RGS5: variants seen among roughly 807,000 people sequenced by gnomAD.
RGS5 encodes regulator of G protein signaling 5, also known as regulator of G-protein signalling 5.
A neutral mutation model predicts 18.9 loss-of-function variants in RGS5; 20 were observed. The ratio of observed to expected loss-of-function variants is 1.06; its 90% CI spans 0.74 to 1.54. The LOEUF is 1.54. Ranked by LOEUF, RGS5 falls within the 40% of genes most tolerant of loss-of-function variation. The probability of loss-of-function intolerance (pLI) is 0.00; values close to 1 mark genes in which losing one functional copy is unlikely to be tolerated. For synonymous variants in RGS5, 57 were observed against 76.2 expected, an observed-to-expected ratio of 0.75 and a Z score of 1.31; for missense variants, 201 against 211.8, an observed-to-expected ratio of 0.95 and a Z score of 0.32.
chr1:163,176,797 GTTTATGTT>G (rs1289208721), intron 1 of RGS5, among the ~76,000 whole-genome samples: 2 of 152,260 alleles, frequency 1.3e-5, no homozygotes, highest in East Asian at 3.9e-4. Flanking sequence ...CTCTCATTGA[GTTTATGTT>G]TAAATTGGGC....
chr1:163,310,222 C>T (rs535781164), intron 1 of RGS5, among the ~76,000 whole-genome samples: 2 of 152,290 alleles, frequency 1.3e-5, no homozygotes, highest in South Asian at 4.1e-4. Flanking sequence ...GTTGCATTAT[C>T]CCCTAACAAG....
chr1:163,294,220 C>T (rs1431734993), intron 2 of RGS5, among the ~76,000 whole-genome samples: 2 of 152,230 alleles, frequency 1.3e-5, no homozygotes, highest in Non-Finnish European at 2.9e-5. Context: ...AGTAGAGGTT[C>T]TCCATGAGGG....
At chr1:163,172,188 A>C (rs1280331428) in intron 1 of RGS5, among the ~76,000 whole-genome samples, 1 of 152,244 alleles carries the variant, frequency 6.6e-6, no homozygotes, top group Non-Finnish European at 1.5e-5. Flanking sequence ...AGGGACCTCT[A>C]TACAGTACCT....
intron 2 of RGS5, among the ~76,000 whole-genome samples, chr1:163,255,641 G>A (rs1235764043): frequency 3.3e-5 from 5 of 150,414 alleles, no homozygotes; most frequent in Admixed American, 2.7e-4. Flanking sequence ...TACCAAAGCC[G>A]GGCAGAGACA....
intron 1 of RGS5, among the ~76,000 whole-genome samples, chr1:163,180,696 T>TGTTTTTTTG (rs1234982716): frequency 8.0e-6 from 1 of 125,334 alleles, no homozygotes; most frequent in East Asian, 2.2e-4. Context: ...GTTTTTTTTT[T>TGTTTTTTTG]TTTTTTTTTT....
intron 3 of RGS5, among the ~76,000 whole-genome samples, chr1:163,160,340 C>A (rs1381759543): frequency 6.6e-6 from 1 of 152,076 alleles, no homozygotes; most frequent in Non-Finnish European, 1.5e-5. Context: ...CTGCTATTGG[C>A]CCAGAAACCA....
chr1:163,280,334 T>A (rs1648960220), intron 2 of RGS5, among the ~76,000 whole-genome samples: 2 of 152,176 alleles, frequency 1.3e-5, no homozygotes, highest in South Asian at 4.1e-4. Context: ...ATTTATCCCA[T>A]GGATGCAAGG....
intron 1 of RGS5, among the ~76,000 whole-genome samples, chr1:163,201,254 C>T (rs956404953): frequency 3.3e-5 from 5 of 152,056 alleles, no homozygotes; most frequent in Admixed American, 3.3e-4. Flanking sequence ...TATACATTGT[C>T]CCATATTCAA....
intron 4 of RGS5, among the ~76,000 whole-genome samples, chr1:163,151,469 G>A (rs1183931102): frequency 6.6e-6 from 1 of 152,178 alleles, no homozygotes; most frequent in African/African-American, 2.4e-5. Flanking sequence ...GGTTGATATA[G>A]TTTGGCTCTG....
intron 2 of RGS5, among the ~76,000 whole-genome samples, chr1:163,247,561 T>C (rs1480359429): frequency 4.0e-5 from 6 of 150,172 alleles, no homozygotes; most frequent in African/African-American, 7.4e-5. Flanking sequence ...TACATTGCAA[T>C]TGAACTGGAT....
At chr1:163,175,469 G>T (rs556183033) in intron 1 of RGS5, among the ~76,000 whole-genome samples, 1 of 152,316 alleles carries the variant, frequency 6.6e-6, no homozygotes, top group South Asian at 2.1e-4. Context: ...CTTAGCGGGA[G>T]TATAAGAATA....
At chr1:163,217,498 ATTAT>A in intron 1 of RGS5, 2 of 1,504,548 alleles carry the variant, frequency 1.3e-6, no homozygotes, top group Non-Finnish European at 1.8e-6. Flanking sequence ...AAAGAAAACC[ATTAT>A]TTAAGACTAA....
At chr1:163,256,590 A>G (rs1316187931) in intron 2 of RGS5, among the ~76,000 whole-genome samples, 1 of 152,214 alleles carries the variant, frequency 6.6e-6, no homozygotes, top group Non-Finnish European at 1.5e-5. Flanking sequence ...ACCGTTGCTT[A>G]AAAGGAACTT....
At chr1:163,192,222 C>T (rs1220666394) in intron 1 of RGS5, among the ~76,000 whole-genome samples, 1 of 152,178 alleles carries the variant, frequency 6.6e-6, no homozygotes, top group African/African-American at 2.4e-5. Flanking sequence ...TATAGCTGAA[C>T]TTACAACTGG....
upstream of RGS5, among the ~76,000 whole-genome samples, chr1:163,207,138 T>C (rs1659972871): frequency 6.6e-6 from 1 of 152,172 alleles, no homozygotes; most frequent in African/African-American, 2.4e-5. Context: ...ATCATATAAA[T>C]GGAAATGAAA....
At chr1:163,215,981 T>A (rs1319646126) in intron 1 of RGS5, among the ~76,000 whole-genome samples, 1 of 152,084 alleles carries the variant, frequency 6.6e-6, no homozygotes, top group East Asian at 1.9e-4. Context: ...TAAACCTTTT[T>A]AGAGAAAAAG....
At chr1:163,277,449 T>A (rs570063250) in intron 2 of RGS5, among the ~76,000 whole-genome samples, 256 of 152,324 alleles carry the variant, frequency 1.7e-3, no homozygotes, top group Non-Finnish European at 2.8e-3. Context: ...TGGTTCACAC[T>A]ATTAATGACA....
At chr1:163,212,393 C>T (rs996310678) in intron 1 of RGS5, 1 of 152,028 alleles carries the variant, frequency 6.6e-6, no homozygotes, top group African/African-American at 2.4e-5. Flanking sequence ...ATAGGAATAC[C>T]CACAAATATC....
intron 2 of RGS5, among the ~76,000 whole-genome samples, chr1:163,291,496 T>C (rs1649287283): frequency 6.6e-6 from 1 of 152,200 alleles, no homozygotes; most frequent in Non-Finnish European, 1.5e-5. Context: ...TGTGTAGATA[T>C]AAATGACAGC....
Sources: gnomAD v4.1 joint callset for allele counts (sites outside exome capture counted in the v4.1 genomes callset) on GRCh38, gnomAD v4.1.1 for gene constraint, MANE v1.5 for transcripts, NCBI Gene and HGNC (gene_info 2026-07-23, HGNC 2026-07-21) for gene names.